KCNJ16: variants seen among roughly 807,000 people sequenced by gnomAD.
KCNJ16 encodes potassium inwardly rectifying channel subfamily J member 16, also known as inward rectifier potassium channel 16.
A neutral mutation model predicts 18.5 loss-of-function variants in KCNJ16; 15 were observed. The ratio of observed to expected loss-of-function variants is 0.81; its 90% CI spans 0.54 to 1.25. The LOEUF is 1.25. KCNJ16 is among the 50% of genes most tolerant of loss of function. The probability of loss-of-function intolerance (pLI) is 0.00; values close to 1 mark genes in which losing one functional copy is unlikely to be tolerated. For synonymous variants in KCNJ16, 174 were observed against 186.5 expected (o/e 0.93, Z 0.55); for missense variants, 523 against 525.7 (o/e 0.99, Z 0.05).
In KCNJ16 at chr17:70,104,725, G is replaced by C. The variant is rs181316422; in HGVS notation, c.-191+3959G>C. On this transcript the variant is annotated intron_variant, in intron 2 of 3. Transcript: ENST00000392671. Reference sequence around the variant, plus strand: ...TCCAGAGGTTTGATCAGAAAACAAAGATGTAAATAGGCATGGAAGAAGGCT... The same window carrying C: ...TCCAGAGGTTTGATCAGAAAACAAACATGTAAATAGGCATGGAAGAAGGCT... 4 of 152,530 alleles carry C rather than the reference G, an allele frequency of 2.6e-5. No individual in the cohort carries two copies. In the East Asian group the frequency reaches 7.7e-4, roughly 29 times the overall value. 9.4% of individuals were successfully genotyped at this position (152,530 alleles called of 1,614,324 possible). A position where few individuals can be genotyped will look rare whatever the true frequency, so the allele number is the denominator to read the frequency against.
At chr17:70,090,323 C>T (rs2072026502) in intron 1 of KCNJ16, among the ~76,000 whole-genome samples, 1 of 152,136 alleles carries the variant, frequency 6.6e-6, no homozygotes, top group South Asian at 2.1e-4. Context: ...ATCTCACAAA[C>T]CTTTAGCTAG....
At chr17:70,126,381 G>C (rs890431335) in intron 2 of KCNJ16, among the ~76,000 whole-genome samples, 52 of 152,122 alleles carry the variant, frequency 3.4e-4, no homozygotes, top group Admixed American at 5.2e-4. Flanking sequence ...ATTTTACCCA[G>C]CTCCTACTCC....
intron 1 of KCNJ16, among the ~76,000 whole-genome samples, chr17:70,093,447 A>T (rs1014023347): frequency 1.3e-5 from 2 of 152,162 alleles, no homozygotes; most frequent in Non-Finnish European, 2.9e-5. Flanking sequence ...GATCTCCTGT[A>T]AGGACACCAG....
At chr17:70,103,286 A>ATGTGTGTGTGTG (rs1555589099) in intron 2 of KCNJ16, among the ~76,000 whole-genome samples, 60 of 103,808 alleles carry the variant, frequency 5.8e-4, no homozygotes, top group Middle Eastern at 6.2e-3. Context: ...ATATGCATAT[A>ATGTGTGTGTGTG]TGTGTGTGTG....
Position 70,105,599 on chromosome 17 carries a change from G to A in KCNJ16, c.-191+4833G>A, listed in dbSNP as rs138663774. Among the ~76,000 whole-genome samples, 11 of 152,238 alleles carry A rather than the reference G, an allele frequency of 7.2e-5. No individual in the cohort carries two copies. In the East Asian group the frequency reaches 9.6e-4, roughly 13 times the overall value. On this transcript the variant is annotated intron_variant, in intron 2 of 3. Transcript: ENST00000392671. ...AACTAAAAATATAGACAGAAATGCC[G>A]TAAAGACTCTTTAGAAAAACAACTG... is the stretch of plus-strand genomic sequence containing the variant.
intron 2 of KCNJ16, among the ~76,000 whole-genome samples, chr17:70,124,763 G>A (rs1199892771): frequency 6.6e-6 from 1 of 152,218 alleles, no homozygotes; most frequent in Non-Finnish European, 1.5e-5. Flanking sequence ...TAATCACCTT[G>A]TGGATTTCTT....
chr17:70,092,103 G>A (rs1263254726), intron 1 of KCNJ16, among the ~76,000 whole-genome samples: 1 of 152,168 alleles, frequency 6.6e-6, no homozygotes, highest in Non-Finnish European at 1.5e-5. Flanking sequence ...ACCATAGCAA[G>A]TTCCTAATTT....
intron 2 of KCNJ16, among the ~76,000 whole-genome samples, chr17:70,119,819 A>G (rs2073559825): frequency 6.6e-6 from 1 of 152,170 alleles, no homozygotes; most frequent in Admixed American, 6.5e-5. Context: ...ATTGTGCTGG[A>G]TATTAGCACT....
chr17:70,121,760 A>G (rs771215124), intron 2 of KCNJ16, among the ~76,000 whole-genome samples: 8 of 152,048 alleles, frequency 5.3e-5, no homozygotes, highest in Non-Finnish European at 1.2e-4. Context: ...TGAAACCCCT[A>G]GTGAACATTT....
chr17:70,127,151 G>A (rs1303896319), intron 2 of KCNJ16, among the ~76,000 whole-genome samples: 2 of 152,200 alleles, frequency 1.3e-5, no homozygotes, highest in African/African-American at 4.8e-5. Context: ...CAAAATGGAG[G>A]ATTAGGGTTA....
intron 2 of KCNJ16, among the ~76,000 whole-genome samples, chr17:70,117,353 A>G (rs1300632055): frequency 6.6e-6 from 1 of 150,722 alleles, no homozygotes; most frequent in Non-Finnish European, 1.5e-5. Context: ...TCAGCATCAC[A>G]CCAAACCTCA....
intron 1 of KCNJ16, among the ~76,000 whole-genome samples, chr17:70,086,411 C>T (rs148356693): frequency 8.5e-5 from 13 of 152,052 alleles, no homozygotes; most frequent in Admixed American, 8.5e-4. Context: ...GAGGTGAGCA[C>T]AAGAAAAGTG....
At chr17:70,110,846 A>G (rs559301767) in intron 2 of KCNJ16, among the ~76,000 whole-genome samples, 1 of 152,146 alleles carries the variant, frequency 6.6e-6, no homozygotes, top group East Asian at 1.9e-4. Context: ...CACCCCTCCC[A>G]TGTCTCAGCT....
chr17:70,134,288 G>A lies in KCNJ16; in HGVS notation c.*944G>A, dbSNP rs1332701231. The A allele has an allele frequency of 6.0e-6, 1 of 165,690 alleles. No homozygotes were observed. Among genetic ancestry groups the A allele is most frequent in the Admixed American group, 6.6e-5 (1 of 15,154 alleles). The allele number at this position is 165,690 out of a possible 1,614,324, so 10.3% of individuals were successfully genotyped here. A position where few individuals can be genotyped will look rare whatever the true frequency, so the allele number is the denominator to read the frequency against. On this transcript the variant is annotated 3_prime_UTR_variant, in exon 4 of 4. Transcript: ENST00000392671. ...ATTGCAACTTTGGCTGCTACAGAAA[G>A]GATAGAACCTTTTTGGGGGGAGGGT...
chr17:70,124,433 A>AT (rs879649951), intron 2 of KCNJ16, among the ~76,000 whole-genome samples: 6 of 152,212 alleles, frequency 3.9e-5, no homozygotes, highest in Non-Finnish European at 8.8e-5. Context: ...TTAAAAAAAA[A>AT]CTGAATGAAA....
At chr17:70,098,647 C>A (rs2072491449) in intron 1 of KCNJ16, among the ~76,000 whole-genome samples, 1 of 151,818 alleles carries the variant, frequency 6.6e-6, no homozygotes, top group Non-Finnish European at 1.5e-5. Context: ...GGGCTTTCCC[C>A]AATTTTATTT....
chr17:70,102,691 TCAC>T (rs1598125779), intron 2 of KCNJ16, among the ~76,000 whole-genome samples: 3 of 152,152 alleles, frequency 2.0e-5, no homozygotes, highest in African/African-American at 2.4e-5. Context: ...TTCCCATCCA[TCAC>T]CACATTTTTC....
At chr17:70,098,698 T>G in intron 1 of KCNJ16, among the ~76,000 whole-genome samples, 1 of 152,292 alleles carries the variant, frequency 6.6e-6, no homozygotes, top group Non-Finnish European at 1.5e-5. Flanking sequence ...CTGACTCAAA[T>G]ATTAGAAGCT....
intron 1 of KCNJ16, among the ~76,000 whole-genome samples, chr17:70,099,019 T>G (rs970112652): frequency 2.0e-5 from 3 of 152,178 alleles, no homozygotes; most frequent in Non-Finnish European, 2.9e-5. Context: ...ACATCAGCCA[T>G]GCGTGGAGTA....
Sources: allele counts gnomAD v4.1 joint callset (sites outside exome capture counted in the v4.1 genomes callset), GRCh38; gene constraint gnomAD v4.1.1; transcripts MANE v1.5; gene names NCBI Gene and HGNC (gene_info 2026-07-23, HGNC 2026-07-21).